TAS2R1: variants seen among roughly 807,000 people sequenced by gnomAD.
The protein encoded by TAS2R1 is taste 2 receptor member 1.
For missense variants in TAS2R1, 370 were observed against 353.4 expected (o/e 1.05, Z -0.38); for synonymous variants, 141 against 134.2 (o/e 1.05, Z -0.35).
chr5:9,675,714 C>T (rs1331815986), intron 1 of TAS2R1, among the ~76,000 whole-genome samples: 1 of 152,062 alleles, frequency 6.6e-6, no homozygotes, highest in Non-Finnish European at 1.5e-5. Context: ...CATGCCCTGC[C>T]CCATTTATTA....
intron 1 of TAS2R1, among the ~76,000 whole-genome samples, chr5:9,688,237 C>T (rs963732040): frequency 2.0e-5 from 3 of 152,054 alleles, no homozygotes; most frequent in African/African-American, 4.8e-5. Flanking sequence ...ATCTCAGAAT[C>T]GAGCATGTTA....
chr5:9,823,019 C>CAAAAAAAA, the TAS2R1 span, among the ~76,000 whole-genome samples: 1 of 114,392 alleles, frequency 8.7e-6, no homozygotes, highest in African/African-American at 3.4e-5. Flanking sequence ...TCCTCTCCAC[C>CAAAAAAAA]AAAAAAAAAA....
At position 9,653,226 on chromosome 5, in the gene TAS2R1, T is replaced by C. The variant is rs140430080; in HGVS notation, c.-81+6195A>G. Among the ~76,000 whole-genome samples the C allele has an allele frequency of 2.6e-5, 4 of 152,292 alleles. No homozygotes were observed. The East Asian group carries it at 7.7e-4, about 29-fold the overall frequency. On this transcript the variant is annotated intron_variant, in intron 2 of 2. Coordinates refer to the TAS2R1 transcript ENST00000506620. ...GTAACATACGTCAGAATGTCCTTCC[T>C]TTTTATCACCCACGTTGTAACATAC...
the TAS2R1 span, among the ~76,000 whole-genome samples, chr5:9,739,472 T>C: frequency 1.3e-5 from 2 of 152,332 alleles, no homozygotes; most frequent in Admixed American, 1.3e-4. Context: ...TGGGAATTAA[T>C]GAATAACAAT....
At chr5:9,638,770 A>T (rs1471076492) in intron 2 of TAS2R1, among the ~76,000 whole-genome samples, 1 of 152,192 alleles carries the variant, frequency 6.6e-6, no homozygotes, top group Non-Finnish European at 1.5e-5. Context: ...GTGTGGGCTC[A>T]GACTCTCCTT....
the TAS2R1 span, among the ~76,000 whole-genome samples, chr5:9,852,473 G>C: frequency 6.6e-6 from 1 of 152,104 alleles, no homozygotes; most frequent in Non-Finnish European, 1.5e-5. Context: ...GCTGCAATTT[G>C]CTCCCCCTTT....
the TAS2R1 span, among the ~76,000 whole-genome samples, chr5:9,767,378 C>A: frequency 6.6e-6 from 1 of 152,144 alleles, no homozygotes; most frequent in African/African-American, 2.4e-5. Flanking sequence ...ACACAGTGAG[C>A]CTCGAAGCTG....
At chr5:9,836,170 C>G in the TAS2R1 span, among the ~76,000 whole-genome samples, 3 of 151,952 alleles carry the variant, frequency 2.0e-5, no homozygotes, top group Non-Finnish European at 2.9e-5. Flanking sequence ...TGAGACGTGC[C>G]TTTTACCTTC....
chr5:9,681,491 C>T (rs1327802268), intron 1 of TAS2R1, among the ~76,000 whole-genome samples: 3 of 139,786 alleles, frequency 2.1e-5, no homozygotes, highest in South Asian at 2.3e-4. Flanking sequence ...CTTTCCAACT[C>T]ACACCTGTTC....
the TAS2R1 span, among the ~76,000 whole-genome samples, chr5:9,825,977 C>G: frequency 6.6e-6 from 1 of 152,146 alleles, no homozygotes; most frequent in Non-Finnish European, 1.5e-5. Context: ...AGGCCAAAAT[C>G]CAGTGGGTTA....
At chr5:9,719,155 T>C in the TAS2R1 span, among the ~76,000 whole-genome samples, 1 of 152,234 alleles carries the variant, frequency 6.6e-6, no homozygotes, top group Non-Finnish European at 1.5e-5. Flanking sequence ...ATTTTTCTAC[T>C]TTTAGGAAAT....
chr5:9,664,144 C>T (rs1221433499), intron 1 of TAS2R1, among the ~76,000 whole-genome samples: 1 of 152,100 alleles, frequency 6.6e-6, no homozygotes, highest in Non-Finnish European at 1.5e-5. Flanking sequence ...CCTCCCTCAT[C>T]GCCCCAGGCT....
At chr5:9,859,560 T>C in the TAS2R1 span, among the ~76,000 whole-genome samples, 1 of 152,236 alleles carries the variant, frequency 6.6e-6, no homozygotes, top group Non-Finnish European at 1.5e-5. Context: ...TTGCAAGTCA[T>C]AGATCTGTTG....
the TAS2R1 span, among the ~76,000 whole-genome samples, chr5:9,781,246 G>A: frequency 4.1e-4 from 62 of 152,150 alleles, no homozygotes; most frequent in Non-Finnish European, 5.6e-4. Context: ...CTCTCATTTG[G>A]TGGCAACTTG....
the TAS2R1 span, among the ~76,000 whole-genome samples, chr5:9,773,852 C>T: frequency 2.8e-3 from 426 of 152,128 alleles, 4 homozygotes; most frequent in Middle Eastern, 6.8e-3. Flanking sequence ...CTTTCTTTAC[C>T]CTTGACTTTT....
intron 2 of TAS2R1, chr5:9,641,317 G>A (rs1290188732): frequency 1.3e-5 from 2 of 152,180 alleles, no homozygotes; most frequent in Non-Finnish European, 2.9e-5. Context: ...ATTCTTCATA[G>A]AGAACTTTAT....
intron 1 of TAS2R1, among the ~76,000 whole-genome samples, chr5:9,681,024 T>C (rs1288089159): frequency 6.6e-6 from 1 of 152,176 alleles, no homozygotes; most frequent in African/African-American, 2.4e-5. Flanking sequence ...ATCGTGCCAC[T>C]GCACTCCAGC....
intron 1 of TAS2R1, among the ~76,000 whole-genome samples, chr5:9,669,513 T>TA (rs1344898454): frequency 6.6e-6 from 1 of 151,904 alleles, no homozygotes; most frequent in African/African-American, 2.4e-5. Flanking sequence ...ACAATGGCCA[T>TA]AAACTGTCCT....
chr5:9,823,256 G>A, the TAS2R1 span, among the ~76,000 whole-genome samples: 25 of 152,148 alleles, frequency 1.6e-4, no homozygotes, highest in East Asian at 3.9e-4. Flanking sequence ...TTATCATAGC[G>A]TTTCTCAACC....
Sources: gnomAD v4.1 joint callset for allele counts (sites outside exome capture counted in the v4.1 genomes callset) on GRCh38, gnomAD v4.1.1 for gene constraint, MANE v1.5 for transcripts, NCBI Gene and HGNC (gene_info 2026-07-23, HGNC 2026-07-21) for gene names.